RIMS1: variants seen among roughly 807,000 people sequenced by gnomAD.
RIMS1 encodes regulating synaptic membrane exocytosis protein 1.
RIMS1 carries 83 observed loss-of-function variants against 214.1 expected under a neutral mutation model. The ratio of observed to expected loss-of-function variants is 0.39; its 90% CI spans 0.32 to 0.47. The LOEUF (loss-of-function observed/expected upper bound fraction) is 0.47, where lower values mean the gene tolerates loss of function less well. Among genes scored for constraint, RIMS1 ranks in the 20% least tolerant of loss-of-function variants. The pLI is 0.99. For synonymous variants in RIMS1, 793 were observed against 786.8 expected, an observed-to-expected ratio of 1.01 and a Z score of -0.13; for missense variants, 2,050 against 2,161.8, an observed-to-expected ratio of 0.95 and a Z score of 1.03.
intron 2 of RIMS1, among the ~76,000 whole-genome samples, chr6:72,010,918 G>C (rs1410413743): frequency 6.6e-6 from 1 of 151,890 alleles, no homozygotes; most frequent in Non-Finnish European, 1.5e-5. Flanking sequence ...GTAATTTATA[G>C]ATTCAATGCC....
rs550060235 is a variant in RIMS1, at chr6:72,006,141, C to T, written c.245+37078C>T. 2.7e-4 allele frequency among the ~76,000 whole-genome samples: 41 copies of T among 152,246 alleles called. 1 individual carries two copies. In the South Asian group the frequency reaches 8.3e-3, roughly 31 times the overall value. On this transcript the variant is annotated intron_variant, in intron 2 of 33. Transcript: ENST00000521978. Reference sequence around the variant, plus strand: ...AGCAAACTCTCATGTCCATTCTTATCACAGCACCAATTCCATTCATAAGGG... The same window carrying T: ...AGCAAACTCTCATGTCCATTCTTATTACAGCACCAATTCCATTCATAAGGG...
At chr6:71,979,747 C>T (rs1227696650) in intron 2 of RIMS1, among the ~76,000 whole-genome samples, 1 of 151,920 alleles carries the variant, frequency 6.6e-6, no homozygotes, top group East Asian at 1.9e-4. Context: ...ACATACTACC[C>T]CATTATGTAT....
Position 72,182,706 on chromosome 6 carries a change from G to A in RIMS1, c.1235G>A (p.Arg412His), listed in dbSNP as rs2048542650. ...CTGCCGGAGGGCAAGGCCGGCAAAC[G>A]CGCGCCGGCGGCAGCCAGGGCCTCG... Reference protein sequence around the residue: ...AALPEGKAGKRAPAAARASPP... With the variant: ...AALPEGKAGKHAPAAARASPP... Residue 412 changes from arginine to histidine, a missense_variant, in exon 6 of 34, where the codon CGC becomes CAC. Physicochemically the swap from Arg to His is conservative, Grantham distance 29 (BLOSUM62 0). Coordinates refer to ENST00000521978, the MANE Select transcript of RIMS1 (RefSeq NM_014989.7). 1.3e-6 allele frequency: 2 copies of A among 1,509,852 alleles called. No homozygotes were observed. Among genetic ancestry groups the A allele is most frequent in the Non-Finnish European group, 1.8e-6 (2 of 1,134,548 alleles). The allele number at this position is 1,509,852 out of a possible 1,614,324, so 93.5% of individuals were successfully genotyped here.
intron 2 of RIMS1, among the ~76,000 whole-genome samples, chr6:72,064,800 G>A (rs529202360): frequency 4.4e-4 from 67 of 152,330 alleles, no homozygotes; most frequent in African/African-American, 1.5e-3. Flanking sequence ...AAATACAGGT[G>A]CGGGGTTCTG....
chr6:71,959,569 C>A lies in RIMS1; in HGVS notation c.165-9414C>A, dbSNP rs997089803. Reference sequence around the variant, plus strand: ...TGGCAATTATCCTTACAAATGGCATCAATTTCCCCCTCTGCTACCAAATTT... The same window carrying A: ...TGGCAATTATCCTTACAAATGGCATAAATTTCCCCCTCTGCTACCAAATTT... On this transcript the variant is annotated intron_variant, in intron 1 of 33. Transcript: ENST00000521978. 9.2e-5 allele frequency among the ~76,000 whole-genome samples: 14 copies of A among 151,846 alleles called. No individual in the cohort carries two copies. The East Asian group carries it at 2.5e-3, about 27-fold the overall frequency.
intron 2 of RIMS1, among the ~76,000 whole-genome samples, chr6:71,995,909 C>G (rs1293567629): frequency 2.6e-5 from 4 of 152,168 alleles, no homozygotes; most frequent in South Asian, 4.1e-4. Context: ...TCCTCAGCCT[C>G]CAGATTAACT....
intron 1 of RIMS1, among the ~76,000 whole-genome samples, chr6:71,894,498 G>A (rs1181570970): frequency 6.6e-6 from 1 of 152,052 alleles, no homozygotes; most frequent in Admixed American, 6.6e-5. Flanking sequence ...ACAGAATGAT[G>A]CTTTTTATGG....
chr6:72,276,190 G>A (rs1157589159), intron 23 of RIMS1, among the ~76,000 whole-genome samples: 2 of 152,074 alleles, frequency 1.3e-5, no homozygotes, highest in African/African-American at 4.8e-5. Context: ...ATTCCAGCCT[G>A]GGCAACAGAG....
At chr6:71,940,409 A>G (rs903783003) in intron 1 of RIMS1, among the ~76,000 whole-genome samples, 1 of 152,174 alleles carries the variant, frequency 6.6e-6, no homozygotes, top group East Asian at 1.9e-4. Context: ...CTATATCAAT[A>G]TGGTTGCATG....
chr6:72,053,481 G>A (rs1273783640), intron 2 of RIMS1, among the ~76,000 whole-genome samples: 1 of 152,102 alleles, frequency 6.6e-6, no homozygotes, highest in Non-Finnish European at 1.5e-5. Flanking sequence ...GATTTGGATT[G>A]TTTTGACCAT....
At chr6:72,274,297 T>C in intron 22 of RIMS1, 52 bp from the exon 23 acceptor site, 1 of 1,258,902 alleles carries the variant, frequency 7.9e-7, no homozygotes, top group Non-Finnish European at 1.2e-6. Context: ...TCTTTTATTT[T>C]AGGAGTTACT....
intron 29 of RIMS1, among the ~76,000 whole-genome samples, chr6:72,378,364 A>G (rs2098426438): frequency 6.6e-6 from 1 of 152,238 alleles, no homozygotes; most frequent in Admixed American, 6.5e-5. Context: ...ATGTGGTAAG[A>G]AGTACAGAGA....
At position 72,182,363 on chromosome 6, in the gene RIMS1, G is replaced by C. The variant is rs1304012580; in HGVS notation, c.892G>C (p.Ala298Pro). 2.5e-6 allele frequency: 4 copies of C among 1,613,884 alleles called. No homozygotes were observed. In the South Asian group the frequency reaches 4.4e-5, roughly 18 times the overall value. The stretch of plus-strand genomic sequence containing the variant: ...GCGGAAACGCGTGCCAAAGACCTCA[G>C]CGCAGCCCGTGGAGGGGGCCGTCGA... ...SERKRVPKTS[A>P]QPVEGAVEER... The change falls in exon 6 of 34, where the codon GCG (alanine) becomes CCG (proline). Residue 298 changes from alanine (A) to proline (P), a missense_variant. Physicochemically the swap from Ala to Pro is conservative, Grantham distance 27. Coordinates refer to ENST00000521978, the MANE Select transcript of RIMS1 (RefSeq NM_014989.7).
intron 6 of RIMS1, among the ~76,000 whole-genome samples, chr6:72,195,850 G>C (rs996589759): frequency 2.6e-5 from 4 of 152,126 alleles, no homozygotes; most frequent in Middle Eastern, 3.2e-3. Flanking sequence ...GAGGCCTCAA[G>C]AAACTTAGAA....
In RIMS1 at chr6:72,157,944, A is replaced by C. The variant is rs2044663706; in HGVS notation, c.472-21631A>C. 2.1e-5 allele frequency among the ~76,000 whole-genome samples: 3 copies of C among 140,590 alleles called. 1 individual carries two copies. The South Asian group carries it at 7.0e-4, about 33-fold the overall frequency. 92.2% of individuals were successfully genotyped at this position (140,590 alleles called of 152,430 possible). ...ATCTTATGTTATTAATGCTTAGTAT[A>C]TACTAACATATTTACCACAATATAA... On this transcript the variant is annotated intron_variant, in intron 4 of 33. Coordinates refer to ENST00000521978, the MANE Select transcript of RIMS1 (RefSeq NM_014989.7).
chr6:72,393,589 T>C (rs2098736309), intron 31 of RIMS1, among the ~76,000 whole-genome samples: 1 of 151,900 alleles, frequency 6.6e-6, no homozygotes, highest in Non-Finnish European at 1.5e-5. Flanking sequence ...TAGCCGGGCA[T>C]AGTGGTGGGC....
chr6:72,286,405 A>C (rs1028292477), intron 24 of RIMS1, among the ~76,000 whole-genome samples: 1 of 152,222 alleles, frequency 6.6e-6, no homozygotes, highest in African/African-American at 2.4e-5. Context: ...GATAAACACA[A>C]ATCCTCCAAT....
At chr6:72,388,954 T>C (rs1265499199) in intron 29 of RIMS1, among the ~76,000 whole-genome samples, 1 of 152,160 alleles carries the variant, frequency 6.6e-6, no homozygotes, top group Non-Finnish European at 1.5e-5. Flanking sequence ...TCAGCATTTA[T>C]GGGAAAGGTT....
In RIMS1 at chr6:72,291,776, T is replaced by A. The variant is rs747252502; in HGVS notation, c.3738-158T>A. Among the ~76,000 whole-genome samples, 14 of 152,220 alleles carry A rather than the reference T, an allele frequency of 9.2e-5. 1 individual carries two copies. The highest frequency in any genetic ancestry group is 9.2e-4 in the Admixed American group (14 of 15,270). ...TCTCATTTAACCCCTTTTTGTAATA[T>A]TCCATTTACACATATCATAAAAAGT... On this transcript the variant is annotated intron_variant, in intron 25 of 33. Coordinates refer to ENST00000521978, the MANE Select transcript of RIMS1 (RefSeq NM_014989.7).
Sources: gnomAD v4.1 joint callset for allele counts (sites outside exome capture counted in the v4.1 genomes callset) on GRCh38, gnomAD v4.1.1 for gene constraint, MANE v1.5 for transcripts, NCBI Gene and HGNC (gene_info 2026-07-23, HGNC 2026-07-21) for gene names.